Variants in CRIM1 observed in about 807,000 individuals in gnomAD.
The protein encoded by CRIM1 is cysteine-rich motor neuron 1 protein.
A neutral mutation model predicts 116.4 loss-of-function variants in CRIM1; 32 were observed. That is an observed-to-expected ratio of 0.27 (90% CI 0.21 to 0.37). CRIM1 has a LOEUF of 0.37. Among genes scored for constraint, CRIM1 ranks in the 10% least tolerant of loss-of-function variants. CRIM1 has a pLI of 1.00. For missense variants in CRIM1, 1,331 were observed against 1,354.8 expected, an observed-to-expected ratio of 0.98 and a Z score of 0.28; for synonymous variants, 590 against 509.2, an observed-to-expected ratio of 1.16 and a Z score of -2.13.
At chr2:36,510,563 C>G (rs1224427859) in intron 9 of CRIM1, among the ~76,000 whole-genome samples, 2 of 152,192 alleles carry the variant, frequency 1.3e-5, no homozygotes, top group Non-Finnish European at 2.9e-5. Flanking sequence ...ACTTGAAATA[C>G]AGTGCATCCT....
chr2:36,477,340 G>T lies in CRIM1; in HGVS notation c.1174+269G>T, dbSNP rs3770854. Among the ~76,000 whole-genome samples, 26 of 152,204 alleles carry T rather than the reference G, an allele frequency of 1.7e-4. No individual in the cohort carries two copies. In the East Asian group the frequency reaches 5.0e-3, roughly 29 times the overall value. ...GTGAGATGTCCCAGAGTTGTTTTCC[G>T]TTCCTCCCCTGCAGTTCTAGCAATT... On this transcript the variant is annotated intron_variant, in intron 6 of 16. Transcript: ENST00000280527.
chr2:36,377,016 T>G (rs936935010), intron 1 of CRIM1, among the ~76,000 whole-genome samples: 2 of 152,204 alleles, frequency 1.3e-5, no homozygotes, highest in Non-Finnish European at 2.9e-5. Context: ...GTCACTGATT[T>G]CCCCTTTCAG....
chr2:36,458,753 T>A (rs1264825776), intron 4 of CRIM1, among the ~76,000 whole-genome samples: 1 of 152,030 alleles, frequency 6.6e-6, no homozygotes, highest in Non-Finnish European at 1.5e-5. Context: ...CTGAGGTCAG[T>A]TTGCAGCAGT....
At chr2:36,512,202 T>A in intron 9 of CRIM1, 71 bp from the exon 10 acceptor site, 1 of 1,558,710 alleles carries the variant, frequency 6.4e-7, no homozygotes, top group Non-Finnish European at 8.8e-7. Context: ...TATTGACCCT[T>A]GGTCTGAGTG....
rs555438764 is a variant in CRIM1 at position 36,550,590 on chromosome 2, T to C, written c.*1889T>C. 5.2e-5 allele frequency: 8 copies of C among 152,486 alleles called. No individual in the cohort carries two copies. The highest frequency in any genetic ancestry group is 5.9e-5 in the Non-Finnish European group (4 of 67,998). The allele number at this position is 152,486 out of a possible 1,614,324, so 9.4% of individuals were successfully genotyped here. On this transcript the variant is annotated 3_prime_UTR_variant, in exon 17 of 17. Coordinates refer to ENST00000280527, the MANE Select transcript of CRIM1 (RefSeq NM_016441.3). ...ATGACCTAATTTATTAATCTGAAGA[T>C]TAACCATTTTTTTGTCTTAGAATAT... is the stretch of plus-strand genomic sequence containing the variant.
intron 2 of CRIM1, 133 bp from the exon 3 acceptor site, chr2:36,441,125 A>T: frequency 1.7e-6 from 2 of 1,204,214 alleles, no homozygotes; most frequent in Non-Finnish European, 1.2e-6. Flanking sequence ...ACTAAGTTTG[A>T]AGGTTTACAC....
At chr2:36,535,395 T>C (rs1369716095) in intron 13 of CRIM1, among the ~76,000 whole-genome samples, 1 of 152,192 alleles carries the variant, frequency 6.6e-6, no homozygotes, top group Admixed American at 6.5e-5. Flanking sequence ...CTATCATGAG[T>C]TTCTTTTGAA....
intron 2 of CRIM1, among the ~76,000 whole-genome samples, chr2:36,426,368 A>G (rs767338684): frequency 2.0e-5 from 3 of 152,174 alleles, no homozygotes; most frequent in African/African-American, 7.2e-5. Context: ...GTCATTTGAG[A>G]TGTCTCAAGT....
At chr2:36,475,733 A>C (rs912308396) in intron 5 of CRIM1, among the ~76,000 whole-genome samples, 1 of 152,238 alleles carries the variant, frequency 6.6e-6, no homozygotes, top group Non-Finnish European at 1.5e-5. Flanking sequence ...GATGCCATTT[A>C]TCAAGTTGAG....
intron 2 of CRIM1, among the ~76,000 whole-genome samples, chr2:36,424,127 T>G (rs1285742299): frequency 6.6e-6 from 1 of 152,252 alleles, no homozygotes; most frequent in African/African-American, 2.4e-5. Flanking sequence ...GGCCCAGTCC[T>G]CATGGAAATC....
In CRIM1 at chr2:36,469,647, C is replaced by A. The variant is rs564673241; in HGVS notation, c.991+4992C>A. 9.4e-3 allele frequency among the ~76,000 whole-genome samples: 1,390 copies of A among 147,868 alleles called. 32 individuals carry two copies. The highest frequency in any genetic ancestry group is 0.033 in the African/African-American group (1,321 of 40,302). On this transcript the variant is annotated intron_variant, in intron 5 of 16. Coordinates refer to ENST00000280527, the MANE Select transcript of CRIM1 (RefSeq NM_016441.3). ...TTCAGACCTGCAGGCTGTTAATTTT[C>A]AAAAAAAAACACTAGTACAGAAAAC...
At chr2:36,370,286 C>A (rs1669862976) in intron 1 of CRIM1, among the ~76,000 whole-genome samples, 1 of 150,756 alleles carries the variant, frequency 6.6e-6, no homozygotes, top group Non-Finnish European at 1.5e-5. Flanking sequence ...CAGAAAGAAG[C>A]AGCAGAAATT....
At chr2:36,453,826 C>T (rs1676923038) in intron 4 of CRIM1, among the ~76,000 whole-genome samples, 1 of 152,176 alleles carries the variant, frequency 6.6e-6, no homozygotes, top group Non-Finnish European at 1.5e-5. Context: ...TCAGATTTGA[C>T]TTTTGAACTG....
chr2:36,464,795 G>T, intron 5 of CRIM1, 140 bp downstream of exon 5: 1 of 956,420 alleles, frequency 1.0e-6, no homozygotes. Flanking sequence ...AAAAAGGTTT[G>T]CTTAAGATCC....
rs753208601 is a variant in CRIM1, at chr2:36,356,671, C to T, written c.331+48C>T. 9.1e-6 allele frequency: 14 copies of T among 1,540,818 alleles called. 1 individual carries two copies. In the South Asian group the frequency reaches 9.6e-5, roughly 11 times the overall value. The stretch of plus-strand genomic sequence containing the variant: ...CCCTCCCACCTGGCCTGCGCCGCCC[C>T]CTCGGCGCTGGTTGTGCCGAACAAA... On this transcript the variant is annotated intron_variant, in intron 1 of 16. Coordinates refer to ENST00000280527, the MANE Select transcript of CRIM1 (RefSeq NM_016441.3). This position sits in a 1 kb window ranked among gnomAD's most constrained non-coding sequence, Gnocchi z 4.3.
intron 2 of CRIM1, among the ~76,000 whole-genome samples, chr2:36,405,908 C>T (rs1180914943): frequency 6.6e-6 from 1 of 151,940 alleles, no homozygotes; most frequent in Admixed American, 6.6e-5. Context: ...CAAAACAAAC[C>T]CTGGGACTCG....
intron 2 of CRIM1, among the ~76,000 whole-genome samples, chr2:36,406,544 A>G (rs914311993): frequency 1.3e-5 from 2 of 152,032 alleles, no homozygotes; most frequent in South Asian, 4.2e-4. Flanking sequence ...ATGTCAGGAA[A>G]AACCTTTGTG....
chr2:36,387,611 A>G (rs1031863195), intron 1 of CRIM1, among the ~76,000 whole-genome samples: 1 of 152,204 alleles, frequency 6.6e-6, no homozygotes, highest in African/African-American at 2.4e-5. Flanking sequence ...GCAGCTAGGA[A>G]AACATGTAAA....
At chr2:36,482,093 C>T (rs919019092) in intron 7 of CRIM1, among the ~76,000 whole-genome samples, 1 of 152,190 alleles carries the variant, frequency 6.6e-6, no homozygotes, top group African/African-American at 2.4e-5. Context: ...CAACAGAGCT[C>T]AGCATCCTTG....
Sources: allele counts gnomAD v4.1 joint callset (sites outside exome capture counted in the v4.1 genomes callset), GRCh38; gene constraint gnomAD v4.1.1; non-coding constraint Gnocchi (gnomAD v3.1); transcripts MANE v1.5; gene names NCBI Gene and HGNC (gene_info 2026-07-23, HGNC 2026-07-21).